The following BMP6 variants were observed in gnomAD, a reference collection of about 807,000 sequenced individuals.
BMP6 encodes the protein bone morphogenetic protein 6, also known as VG-1-R.
Under a neutral mutation model 54.1 loss-of-function variants are expected in BMP6, and 17 were observed. That is an observed-to-expected ratio of 0.31 (90% CI 0.22 to 0.47). The LOEUF is 0.47. BMP6 is among the 20% of genes least tolerant of loss of function. The pLI, the probability that BMP6 is intolerant of heterozygous loss-of-function variation, is 1.00. For missense variants in BMP6, 720 were observed against 690.4 expected (o/e 1.04, Z -0.48); for synonymous variants, 328 against 291.2 (o/e 1.13, Z -1.28).
In BMP6 at chr6:7,826,336, T is replaced by C. The variant is rs545459927; in HGVS notation, c.665-18804T>C. Reference sequence around the variant, plus strand: ...CTCTGTGGCATACACCTTTGATGTATTGATCTCCCAGGTGGCTTCCTAATC... The same window carrying C: ...CTCTGTGGCATACACCTTTGATGTACTGATCTCCCAGGTGGCTTCCTAATC... On this transcript the variant is annotated intron_variant, in intron 1 of 6. Coordinates refer to ENST00000283147, the MANE Select transcript of BMP6 (RefSeq NM_001718.6). 9.8e-5 allele frequency among the ~76,000 whole-genome samples: 15 copies of C among 152,312 alleles called. No individual in the cohort carries two copies. The East Asian group carries it at 2.1e-3, about 22-fold the overall frequency.
At chr6:7,879,883 C>T in intron 5 of BMP6, 108 bp from the exon 6 acceptor site, 1 of 1,135,926 alleles carries the variant, frequency 8.8e-7, no homozygotes, top group Non-Finnish European at 1.3e-6. Context: ...GCGTCTGTAT[C>T]CTTGCCTGTG....
chr6:7,788,236 T>C (rs1250212872), intron 1 of BMP6, among the ~76,000 whole-genome samples: 1 of 152,190 alleles, frequency 6.6e-6, no homozygotes, highest in African/African-American at 2.4e-5. Flanking sequence ...GCCAAAGGCT[T>C]GGTAGTAATT....
chr6:7,872,690 GT>G (rs1183707467), intron 4 of BMP6, among the ~76,000 whole-genome samples: 4 of 152,178 alleles, frequency 2.6e-5, no homozygotes, highest in Non-Finnish European at 4.4e-5. Flanking sequence ...TGTCATCTTG[GT>G]TCCATCCAGC....
chr6:7,876,684 T>C (rs1759623390), intron 4 of BMP6, among the ~76,000 whole-genome samples: 1 of 152,222 alleles, frequency 6.6e-6, no homozygotes, highest in Non-Finnish European at 1.5e-5. Flanking sequence ...ATTAGACAAC[T>C]AATGTTTAAC....
intron 1 of BMP6, among the ~76,000 whole-genome samples, chr6:7,770,687 G>A (rs947708896): frequency 6.6e-6 from 1 of 152,210 alleles, no homozygotes; most frequent in African/African-American, 2.4e-5. Context: ...TGGGGTGCTC[G>A]TAAGGATTCC....
At chr6:7,781,579 C>G (rs1377241811) in intron 1 of BMP6, among the ~76,000 whole-genome samples, 1 of 151,556 alleles carries the variant, frequency 6.6e-6, no homozygotes, top group Non-Finnish European at 1.5e-5. Flanking sequence ...AATTGAGTCT[C>G]TCTCCATTCA....
intron 4 of BMP6, among the ~76,000 whole-genome samples, chr6:7,874,656 G>A (rs888666363): frequency 6.6e-6 from 1 of 152,134 alleles, no homozygotes; most frequent in African/African-American, 2.4e-5. Flanking sequence ...GCTGAGGTGG[G>A]AGCATCACTT....
At chr6:7,858,560 T>A (rs1178931378) in intron 2 of BMP6, among the ~76,000 whole-genome samples, 2 of 152,102 alleles carry the variant, frequency 1.3e-5, no homozygotes, top group African/African-American at 4.8e-5. Context: ...TTTTTAGATA[T>A]GTGACGGCTA....
chr6:7,845,092 C>G (rs371529658), intron 1 of BMP6, 48 bp from the exon 2 acceptor site: 9 of 1,537,870 alleles, frequency 5.9e-6, no homozygotes, highest in Non-Finnish European at 7.1e-6. Flanking sequence ...GCCCGTGGCA[C>G]TTAGTCAAGT....
At position 7,808,595 on chromosome 6, in the gene BMP6, A is replaced by G. The variant is rs557139752; in HGVS notation, c.665-36545A>G. 2.0e-5 allele frequency among the ~76,000 whole-genome samples: 3 copies of G among 152,244 alleles called. No homozygotes were observed. The South Asian group carries it at 6.2e-4, about 32-fold the overall frequency. On this transcript the variant is annotated intron_variant, in intron 1 of 6. Coordinates refer to ENST00000283147, the MANE Select transcript of BMP6 (RefSeq NM_001718.6). ...TCCTTCTTCATTTCCAACTAGCACCAAACTTTTGTCTGATTTTATTTACCT... is the reference window on the plus strand; with the variant it reads ...TCCTTCTTCATTTCCAACTAGCACCGAACTTTTGTCTGATTTTATTTACCT...
chr6:7,810,123 A>T (rs868728663), intron 1 of BMP6, among the ~76,000 whole-genome samples: 2 of 152,130 alleles, frequency 1.3e-5, no homozygotes, highest in Non-Finnish European at 2.9e-5. Context: ...GATGGGGAAA[A>T]TTTTTTAAAG....
At chr6:7,756,286 C>T (rs1232830228) in intron 1 of BMP6, among the ~76,000 whole-genome samples, 2 of 152,134 alleles carry the variant, frequency 1.3e-5, no homozygotes, top group Admixed American at 6.5e-5. Flanking sequence ...TTTTCAGTAT[C>T]TAAACTGCTG....
intron 1 of BMP6, among the ~76,000 whole-genome samples, chr6:7,746,231 T>C (rs1480233477): frequency 1.3e-5 from 2 of 152,142 alleles, no homozygotes; most frequent in Admixed American, 6.5e-5. Context: ...GGGAAGAGAT[T>C]GCAAAGGTAG....
Position 7,877,059 on chromosome 6 carries a change from C to G in BMP6, c.1205-2015C>G, listed in dbSNP as rs149355538. 1.4e-4 allele frequency among the ~76,000 whole-genome samples: 22 copies of G among 152,016 alleles called. 1 individual carries two copies. In the East Asian group the frequency reaches 4.2e-3, roughly 29 times the overall value. ...TTTGTGTGGCTGATTCATTTTTGTT[C>G]AGGGGTTCTTTTCAGTAGGAAGTTT... On this transcript the variant is annotated intron_variant, in intron 4 of 6. Coordinates refer to ENST00000283147, the MANE Select transcript of BMP6 (RefSeq NM_001718.6).
At chr6:7,854,204 G>C (rs943207340) in intron 2 of BMP6, among the ~76,000 whole-genome samples, 26 of 152,106 alleles carry the variant, frequency 1.7e-4, no homozygotes, top group African/African-American at 6.3e-4. Flanking sequence ...TTCATGCCTC[G>C]AAACAGATCG....
At chr6:7,822,689 C>T (rs2113225594) in intron 1 of BMP6, among the ~76,000 whole-genome samples, 1 of 152,272 alleles carries the variant, frequency 6.6e-6, no homozygotes, top group Non-Finnish European at 1.5e-5. Context: ...CTTTTAGATT[C>T]TCCATCCTAA....
chr6:7,785,282 A>G (rs1293602250), intron 1 of BMP6, among the ~76,000 whole-genome samples: 1 of 152,200 alleles, frequency 6.6e-6, no homozygotes, highest in East Asian at 1.9e-4. Context: ...GCAAGGAATT[A>G]TTGCTGTAAT....
intron 1 of BMP6, among the ~76,000 whole-genome samples, chr6:7,817,076 C>A (rs1758540416): frequency 6.6e-6 from 1 of 152,184 alleles, no homozygotes; most frequent in Non-Finnish European, 1.5e-5. Context: ...CGAGAGAAAC[C>A]AGCTTTCAAA....
Position 7,879,048 on chromosome 6 carries a change from G to C in BMP6, c.1205-26G>C, listed in dbSNP as rs1759668158. 4 of 1,601,250 alleles carry C rather than the reference G, an allele frequency of 2.5e-6. No homozygotes were observed. In the South Asian group the frequency reaches 3.3e-5, roughly 13 times the overall value. On this transcript the variant is annotated intron_variant, in intron 4 of 6. Transcript: ENST00000283147. ...AGTTGATGGGTGCATCTTTTGATGG[G>C]TGCATCTTTTGATCTCCTCCAACAG...
Sources: gnomAD v4.1 joint callset for allele counts (sites outside exome capture counted in the v4.1 genomes callset) on GRCh38, gnomAD v4.1.1 for gene constraint, MANE v1.5 for transcripts, NCBI Gene and HGNC (gene_info 2026-07-23, HGNC 2026-07-21) for gene names.